HOOK1: variants seen among roughly 807,000 people sequenced by gnomAD.
The protein encoded by HOOK1 is protein Hook homolog 1.
HOOK1 carries 60 observed loss-of-function variants against 112.8 expected under a neutral mutation model. The observed-to-expected ratio is 0.53, with a 90% CI of 0.43 to 0.66. The LOEUF (loss-of-function observed/expected upper bound fraction) is 0.66, where lower values mean the gene tolerates loss of function less well. HOOK1 is among the 30% of genes least tolerant of loss of function. The pLI is 0.00. For missense variants in HOOK1, 770 were observed against 856.0 expected (o/e 0.90, Z 1.25); for synonymous variants, 294 against 283.8 (o/e 1.04, Z -0.36).
Position 59,866,595 on chromosome 1 carries a change from CT to C in HOOK1, c.1845+625del, listed in dbSNP as rs145498590. On this transcript the variant is annotated intron_variant, in intron 19 of 21. Transcript: ENST00000371208. ...CATAGGGATCCCAGGTTCACTTGAC[CT>C]TGTCCAACTAGGTCAAATGAAGAAA... 5.8e-4 allele frequency among the ~76,000 whole-genome samples: 89 copies of C among 152,160 alleles called. 2 individuals are homozygous for C. The East Asian group carries it at 0.012, about 21-fold the overall frequency.
chr1:59,866,099 C>T, intron 19 of HOOK1, 127 bp downstream of exon 19: 2 of 616,960 alleles, frequency 3.2e-6, no homozygotes, highest in Non-Finnish European at 5.8e-6. Flanking sequence ...TATTGCCTTA[C>T]CTGTCAGGTT....
At chr1:59,836,365 T>C (rs558950887) in intron 6 of HOOK1, among the ~76,000 whole-genome samples, 3 of 152,348 alleles carry the variant, frequency 2.0e-5, no homozygotes, top group Admixed American at 1.3e-4. Flanking sequence ...TTTTGTAGTC[T>C]GTACTCCCTG....
intron 18 of HOOK1, 90 bp from the exon 19 acceptor site, chr1:59,865,779 ATAT>A (rs1156234536): frequency 2.2e-5 from 10 of 455,280 alleles, no homozygotes; most frequent in South Asian, 5.8e-5. Context: ...TAGAAAATAA[ATAT>A]TATAAATATA....
chr1:59,857,264 G>A (rs1196259409), intron 12 of HOOK1, among the ~76,000 whole-genome samples: 2 of 151,308 alleles, frequency 1.3e-5, no homozygotes, highest in Admixed American at 1.3e-4. Flanking sequence ...GCCCATTCTG[G>A]TGGCTGCTAG....
chr1:59,832,555 C>G (rs544324221), intron 4 of HOOK1, among the ~76,000 whole-genome samples: 83 of 151,868 alleles, frequency 5.5e-4, no homozygotes, highest in African/African-American at 1.9e-3. Context: ...ACATTTCTTC[C>G]CAGCGTAAAC....
chr1:59,864,536 G>A (rs1023131128), intron 16 of HOOK1, 96 bp from the exon 17 acceptor site: 25 of 745,612 alleles, frequency 3.4e-5, no homozygotes, highest in Non-Finnish European at 5.4e-5. Flanking sequence ...ATTTTGCCTG[G>A]TACACCTTCA....
intron 12 of HOOK1, among the ~76,000 whole-genome samples, chr1:59,857,719 A>G (rs1367369281): frequency 6.6e-6 from 1 of 152,260 alleles, no homozygotes; most frequent in Non-Finnish European, 1.5e-5. Context: ...TTTTATATTC[A>G]GTAGTACTTT....
In HOOK1 at chr1:59,832,215, T is replaced by C. The variant is rs1182492086; in HGVS notation, c.273+2T>C. On this transcript the variant is annotated splice_donor_variant, in intron 4 of 21. Transcript: ENST00000371208. LOFTEE classifies it high-confidence loss of function. ...GGAATTATGAGTTATTATCATGAGGTATGAAAACCATCTGACTTTGTTTAA... is the reference window on the plus strand; with the variant it reads ...GGAATTATGAGTTATTATCATGAGGCATGAAAACCATCTGACTTTGTTTAA... 6.5e-7 allele frequency: 1 copy of C among 1,546,940 alleles called. No individual in the cohort carries two copies. The highest frequency in any genetic ancestry group is 8.8e-7 in the Non-Finnish European group (1 of 1,136,298).
chr1:59,843,306 G>C (rs2098401952), intron 8 of HOOK1, 126 bp from the exon 9 acceptor site: 3 of 568,864 alleles, frequency 5.3e-6, no homozygotes, highest in Non-Finnish European at 9.1e-6. Context: ...AACTCATCTA[G>C]TATGACAGAC....
At position 59,833,415 on chromosome 1, in the gene HOOK1, A is replaced by G; in HGVS notation, c.284A>G (p.Gln95Arg). ...IMSYYHEFLG[Q>R]QISEALIPDL... ...ATTTTAATATTGTAGTTTTTGGGGC[A>G]GCAGATTTCAGAAGCACTTATCCCT... Residue 95 changes from glutamine (Q) to arginine (R), a missense_variant, in exon 5 of 22, where the codon CAG (glutamine) becomes CGG (arginine). Around this residue, in one of 3 missense-constraint regions of HOOK1, gnomAD observed 655 missense variants for 725.9 expected, o/e 0.90. Transcript: ENST00000371208. 6.6e-7 allele frequency: 1 copy of G among 1,520,198 alleles called. No individual in the cohort carries two copies. The highest frequency in any genetic ancestry group is 8.9e-7 in the Non-Finnish European group (1 of 1,124,592). The allele number at this position is 1,520,198 out of a possible 1,614,324, so 94.2% of individuals were successfully genotyped here. A position where few individuals can be genotyped will look rare whatever the true frequency, so the allele number is the denominator to read the frequency against.
At chr1:59,850,929 A>G (rs1375952016) in intron 12 of HOOK1, among the ~76,000 whole-genome samples, 2 of 151,546 alleles carry the variant, frequency 1.3e-5, no homozygotes, top group Non-Finnish European at 3.0e-5. Flanking sequence ...CTGCTCAGAA[A>G]ATAACCTCCA....
intron 15 of HOOK1, 152 bp downstream of exon 15, chr1:59,860,480 A>AT (rs2102065137): frequency 1.8e-6 from 1 of 563,622 alleles, no homozygotes; most frequent in African/African-American, 1.9e-5. Context: ...TTTCATCACT[A>AT]TAAGCTTCTC....
intron 12 of HOOK1, among the ~76,000 whole-genome samples, chr1:59,849,541 T>C (rs1205921295): frequency 6.6e-6 from 1 of 151,626 alleles, no homozygotes; most frequent in Non-Finnish European, 1.5e-5. Context: ...AGTCATTGGT[T>C]TTTAATATAT....
intron 3 of HOOK1, among the ~76,000 whole-genome samples, chr1:59,830,828 A>G (rs545745145): frequency 6.7e-6 from 1 of 149,696 alleles, no homozygotes; most frequent in Non-Finnish European, 1.5e-5. Flanking sequence ...GCTTCTTCAC[A>G]TCTGTAGTAA....
intron 10 of HOOK1, among the ~76,000 whole-genome samples, chr1:59,847,743 C>T (rs964191351): frequency 1.3e-5 from 2 of 151,402 alleles, no homozygotes; most frequent in Non-Finnish European, 3.0e-5. Context: ...GTTCTTAATA[C>T]TCATTTGAAA....
intron 18 of HOOK1, among the ~76,000 whole-genome samples, chr1:59,865,614 A>G (rs183636286): frequency 6.6e-6 from 1 of 152,202 alleles, no homozygotes; most frequent in Non-Finnish European, 1.5e-5. Context: ...TATACTTGAT[A>G]GAAAGGAGAA....
chr1:59,862,270 A>C (rs1197446084), intron 15 of HOOK1, among the ~76,000 whole-genome samples: 2 of 152,218 alleles, frequency 1.3e-5, no homozygotes, highest in African/African-American at 2.4e-5. Flanking sequence ...CAGTGGAAGT[A>C]ACTCTTAAGC....
chr1:59,856,435 C>G (rs894198906), intron 12 of HOOK1, among the ~76,000 whole-genome samples: 5 of 150,142 alleles, frequency 3.3e-5, no homozygotes, highest in Admixed American at 6.6e-5. Context: ...TCTAGTCTGT[C>G]TACCCACTGG....
intron 13 of HOOK1, among the ~76,000 whole-genome samples, chr1:59,858,782 G>A (rs1352236355): frequency 6.9e-6 from 1 of 144,164 alleles, no homozygotes; most frequent in East Asian, 2.1e-4. Flanking sequence ...AAGGAAGGAA[G>A]GAGCACGGGA....
Sources: allele counts gnomAD v4.1 joint callset (sites outside exome capture counted in the v4.1 genomes callset), GRCh38; gene constraint gnomAD v4.1.1; regional missense constraint gnomAD v4.1.1; transcripts MANE v1.5; gene names NCBI Gene and HGNC (gene_info 2026-07-23, HGNC 2026-07-21).